Variants in ZNF469 observed in about 807,000 individuals in gnomAD.
ZNF469 encodes zinc finger protein 469.
Under a neutral mutation model 1.0 loss-of-function variants are expected in ZNF469, and 1 was observed. The observed-to-expected ratio is 1.00, with a 90% CI of 0.35 to 4.73. The LOEUF is 4.73. ZNF469 is among the 30% of genes most tolerant of loss of function. The pLI is 0.16. For synonymous variants in ZNF469, 2,703 were observed against 2,363.4 expected (o/e 1.14, Z -4.17); for missense variants, 6,100 against 5,356.3 (o/e 1.14, Z -4.33).
intron 1 of ZNF469, among the ~76,000 whole-genome samples, chr16:88,406,187 G>C (rs1467375219): frequency 6.6e-6 from 1 of 152,206 alleles, no homozygotes; most frequent in African/African-American, 2.4e-5. Context: ...CCGCCCTTCC[G>C]TGGGGCCCAG....
At chr16:88,387,332 T>C (rs1904363468) in intron 1 of ZNF469, among the ~76,000 whole-genome samples, 1 of 152,072 alleles carries the variant, frequency 6.6e-6, no homozygotes, top group Non-Finnish European at 1.5e-5. Flanking sequence ...TCTCCCCCCT[T>C]GGTCTGGGTT....
the ZNF469 span, among the ~76,000 whole-genome samples, chr16:88,140,371 G>C: frequency 1.3e-5 from 2 of 149,778 alleles, no homozygotes; most frequent in African/African-American, 5.1e-5. Context: ...CGTAGAAATC[G>C]GGGGGTAGCA....
chr16:88,243,479 C>T, the ZNF469 span, among the ~76,000 whole-genome samples: 1 of 152,210 alleles, frequency 6.6e-6, no homozygotes, highest in African/African-American at 2.4e-5. Context: ...CTTGTCCCCT[C>T]CTCTGTAGTC....
At chr16:88,194,666 T>G in the ZNF469 span, 2 of 152,252 alleles carry the variant, frequency 1.3e-5, no homozygotes, top group Non-Finnish European at 2.9e-5. Context: ...TTTTGTGACT[T>G]GATCAGGGTA....
chr16:88,155,327 T>C, the ZNF469 span, among the ~76,000 whole-genome samples: 1 of 152,258 alleles, frequency 6.6e-6, no homozygotes, highest in African/African-American at 2.4e-5. Context: ...ATAATTTTCC[T>C]ACCATACAAT....
chr16:88,413,221 G>A (rs1238625789), intron 1 of ZNF469, among the ~76,000 whole-genome samples: 2 of 152,262 alleles, frequency 1.3e-5, no homozygotes, highest in Non-Finnish European at 2.9e-5. Context: ...TGCACGAGAG[G>A]CCGGGACCAA....
the ZNF469 span, among the ~76,000 whole-genome samples, chr16:88,343,079 C>T: frequency 6.6e-6 from 1 of 152,054 alleles, no homozygotes; most frequent in African/African-American, 2.4e-5. Flanking sequence ...GTCTCACACC[C>T]CTTGTGGTCC....
At position 88,431,696 on chromosome 16, in the gene ZNF469, C is replaced by A. The variant is rs776065579; in HGVS notation, c.4226C>A (p.Pro1409Gln). 6.5e-7 allele frequency: 1 copy of A among 1,550,302 alleles called. No individual in the cohort carries two copies. The highest frequency in any genetic ancestry group is 1.4e-5 in the African/African-American group (1 of 73,054). Residue 1409 changes from proline to glutamine, a missense_variant, in exon 3 of 3, where the codon CCG becomes CAG. Coordinates refer to ENST00000565624, the MANE Select transcript of ZNF469 (RefSeq NM_001367624.2). The part of the protein sequence containing the change: ...HPKPSARDAP[P>Q]ASSSCLCQDG... Reference sequence around the variant, plus strand: ...AAGCCCTCAGCCAGGGATGCCCCGCCGGCCAGCAGCTCCTGCCTTTGCCAG... The same window carrying A: ...AAGCCCTCAGCCAGGGATGCCCCGCAGGCCAGCAGCTCCTGCCTTTGCCAG...
the ZNF469 span, among the ~76,000 whole-genome samples, chr16:88,213,962 A>G: frequency 1.3e-4 from 20 of 152,290 alleles, no homozygotes; most frequent in Middle Eastern, 3.4e-3. Context: ...TCATGCAGAC[A>G]TGCTGAAAGC....
intron 2 of ZNF469, among the ~76,000 whole-genome samples, chr16:88,426,582 C>T (rs1905711189): frequency 6.6e-6 from 1 of 152,280 alleles, no homozygotes; most frequent in Non-Finnish European, 1.5e-5. Context: ...TGGGAGCCGG[C>T]ACCGTCTGGA....
Position 88,435,242 on chromosome 16 carries a change from A to T in ZNF469, c.7772A>T (p.Lys2591Met), listed in dbSNP as rs750459820. 5.2e-6 allele frequency: 8 copies of T among 1,550,418 alleles called. No individual in the cohort carries two copies. In the South Asian group the frequency reaches 9.5e-5, roughly 18 times the overall value. ...HEVDVKTPASKPRPDQAREDE... is the reference protein window; with the variant it reads ...HEVDVKTPASMPRPDQAREDE... ...GTAGATGTGAAGACTCCGGCCTCCA[A>T]GCCCAGACCAGACCAGGCCAGGGAA... Residue 2591 changes from lysine (K) to methionine (M), a missense_variant, in exon 3 of 3, where the codon AAG becomes ATG. Physicochemically the swap from Lys to Met is moderately conservative, Grantham distance 95. Transcript: ENST00000565624.
rs937419230 is a variant in ZNF469 at position 88,430,659 on chromosome 16, G to A, written c.3189G>A (p.Arg1063=). 23 of 1,492,518 alleles carry A rather than the reference G, an allele frequency of 1.5e-5. No individual in the cohort carries two copies. The highest frequency in any genetic ancestry group is 2.0e-5 in the Non-Finnish European group (23 of 1,126,896). 92.5% of individuals were successfully genotyped at this position (1,492,518 alleles called of 1,614,324 possible). A position where few individuals can be genotyped will look rare whatever the true frequency, so the allele number is the denominator to read the frequency against. ...KIVQQKNRRH[R]RLGRRAGRCG... ...TGCAGCAGAAGAACAGGCGCCACCG[G>A]CGGCTGGGGCGGCGGGCGGGCAGGT... Residue 1063 remains arginine (R), a synonymous_variant, in exon 3 of 3, where the codon CGG becomes CGA. Transcript: ENST00000565624.
Position 88,437,705 on chromosome 16 carries a change from GCAT to G in ZNF469, c.10241_10243del (p.Ile3414del), listed in dbSNP as rs1485900953. ...TGCGAGCTCTGCGCCACGGTTATGC[GCAT>G]CATCAAGAAGTCCTTCGCCTGCAGC... is the stretch of plus-strand genomic sequence containing the variant. On this transcript the variant is annotated inframe_deletion, in exon 3 of 3. Transcript: ENST00000565624. The G allele has an allele frequency of 3.9e-6, 6 of 1,549,704 alleles. No homozygotes were observed. Among genetic ancestry groups the G allele is most frequent in the Non-Finnish European group, 5.2e-6 (6 of 1,146,636 alleles).
chr16:88,363,980 A>G, the ZNF469 span, among the ~76,000 whole-genome samples: 1 of 152,156 alleles, frequency 6.6e-6, no homozygotes, highest in East Asian at 1.9e-4. Context: ...GATGATTTTA[A>G]TTTTAGTGCA....
rs775765033 is a variant in ZNF469, at chr16:88,432,820, G to A, written c.5350G>A (p.Asp1784Asn). The change falls in exon 3 of 3, where the codon GAC becomes AAC. Residue 1784 changes from aspartate (D) to asparagine (N), a missense_variant. Physicochemically the swap from Asp to Asn is conservative, Grantham distance 23. Coordinates refer to ENST00000565624, the MANE Select transcript of ZNF469 (RefSeq NM_001367624.2). ...GTTCCTCCCAGAGCCCGGCACAGCA[G>A]ACCAGCCCCACCGAGGGGCCCCTGC... Reference protein sequence around the residue: ...GGFLPEPGTADQPHRGAPAPE... With the variant: ...GGFLPEPGTANQPHRGAPAPE... 4.5e-6 allele frequency: 7 copies of A among 1,550,372 alleles called. No individual in the cohort carries two copies. In the South Asian group the frequency reaches 8.3e-5, roughly 18 times the overall value.
At chr16:88,368,022 T>C in the ZNF469 span, among the ~76,000 whole-genome samples, 39 of 152,206 alleles carry the variant, frequency 2.6e-4, no homozygotes, top group African/African-American at 9.4e-4. Context: ...GTGTCCTCCC[T>C]ACACAGGATG....
the ZNF469 span, among the ~76,000 whole-genome samples, chr16:88,311,590 G>A: frequency 5.3e-4 from 81 of 152,274 alleles, no homozygotes; most frequent in Middle Eastern, 3.4e-3. Flanking sequence ...CCTGCCCTCC[G>A]TCAGTGGTTC....
Position 88,428,367 on chromosome 16 carries a change from T to A in ZNF469, c.897T>A (p.Asn299Lys). The A allele has an allele frequency of 6.5e-7, 1 of 1,548,824 alleles. No homozygotes were observed. Among genetic ancestry groups the A allele is most frequent in the Non-Finnish European group, 8.7e-7 (1 of 1,146,874 alleles). Residue 299 changes from asparagine to lysine, a missense_variant, in exon 3 of 3, where the codon AAT (asparagine) becomes AAA (lysine). Physicochemically the swap from Asn to Lys is moderately conservative, Grantham distance 94. Coordinates refer to ENST00000565624, the MANE Select transcript of ZNF469 (RefSeq NM_001367624.2). ...ATGTGGCTGGGCACGCATTCACCAA[T>A]GGGCCACTGGTGTTTGCCTTCCATC... ...PADVAGHAFT[N>K]GPLVFAFHQP... is the part of the protein sequence containing the mutation.
At chr16:88,193,905 C>T in the ZNF469 span, among the ~76,000 whole-genome samples, 2 of 152,156 alleles carry the variant, frequency 1.3e-5, no homozygotes, top group African/African-American at 4.8e-5. Context: ...TTTTATAAAG[C>T]ACTCATCCCA....
Sources: gnomAD v4.1 joint callset for allele counts (sites outside exome capture counted in the v4.1 genomes callset) on GRCh38, gnomAD v4.1.1 for gene constraint, MANE v1.5 for transcripts, NCBI Gene and HGNC (gene_info 2026-07-23, HGNC 2026-07-21) for gene names.